Variants in RGS6 observed in about 807,000 individuals in gnomAD.
RGS6 encodes the protein regulator of G-protein signaling 6.
In RGS6, 30 loss-of-function variants were observed where a neutral mutation model predicts 78.5. The observed-to-expected ratio is 0.38, with a 90% CI of 0.29 to 0.52. The LOEUF (loss-of-function observed/expected upper bound fraction) is 0.52. Among genes scored for constraint, RGS6 ranks in the 20% least tolerant of loss-of-function variants. RGS6 has a pLI of 0.85. For synonymous variants in RGS6, 206 were observed against 206.0 expected (o/e 1.00, Z 0.00); for missense variants, 495 against 609.7 (o/e 0.81, Z 1.98).
At chr14:72,401,146 C>T (rs973586763) in intron 3 of RGS6, among the ~76,000 whole-genome samples, 31 of 151,906 alleles carry the variant, frequency 2.0e-4, no homozygotes, top group Non-Finnish European at 3.8e-4. Context: ...TTATCTTTAC[C>T]CCAAGTCTAC....
intron 2 of RGS6, among the ~76,000 whole-genome samples, chr14:72,164,045 G>A (rs577198068): frequency 1.3e-5 from 2 of 152,086 alleles, no homozygotes; most frequent in Non-Finnish European, 2.9e-5. Context: ...CGACTTTTTG[G>A]TGGTTAGTCA....
intron 13 of RGS6, among the ~76,000 whole-genome samples, chr14:72,497,817 A>C (rs1459037378): frequency 2.6e-5 from 4 of 151,794 alleles, no homozygotes; most frequent in Non-Finnish European, 5.9e-5. Flanking sequence ...CTCTTTCTTT[A>C]ACTCAGGATT....
At chr14:72,162,677 G>A (rs1438580876) in intron 2 of RGS6, among the ~76,000 whole-genome samples, 1 of 151,956 alleles carries the variant, frequency 6.6e-6, no homozygotes, top group African/African-American at 2.4e-5. Context: ...GTCATTATAC[G>A]AAAAAGATAC....
intron 2 of RGS6, among the ~76,000 whole-genome samples, chr14:71,974,115 T>C (rs1042106920): frequency 6.6e-6 from 1 of 152,190 alleles, no homozygotes; most frequent in African/African-American, 2.4e-5. Flanking sequence ...TGATCACTCT[T>C]GTTATTGACA....
chr14:72,022,071 C>G (rs1243382240), intron 2 of RGS6, among the ~76,000 whole-genome samples: 1 of 152,136 alleles, frequency 6.6e-6, no homozygotes, highest in Non-Finnish European at 1.5e-5. Flanking sequence ...AAATAGCCTC[C>G]AGCTCCATCC....
chr14:72,412,440 A>G (rs1265455512), intron 3 of RGS6, among the ~76,000 whole-genome samples: 1 of 152,074 alleles, frequency 6.6e-6, no homozygotes, highest in African/African-American at 2.4e-5. Flanking sequence ...TATTGCGTCT[A>G]TTTGATTCTT....
At chr14:72,510,022 A>G in intron 13 of RGS6, 132 bp from the exon 14 acceptor site, 1 of 1,024,372 alleles carries the variant, frequency 9.8e-7, no homozygotes, top group Non-Finnish European at 1.4e-6. Flanking sequence ...CTTTTGTAGA[A>G]TCTGCCCCTT....
At chr14:72,194,559 A>G (rs1013298278) in intron 2 of RGS6, among the ~76,000 whole-genome samples, 1 of 152,070 alleles carries the variant, frequency 6.6e-6, no homozygotes, top group African/African-American at 2.4e-5. Context: ...ACAGGGTCTC[A>G]CTATGTTGCC....
intron 2 of RGS6, among the ~76,000 whole-genome samples, chr14:72,141,177 G>A (rs1182782950): frequency 2.2e-4 from 34 of 152,062 alleles, no homozygotes; most frequent in Admixed American, 2.2e-3. Flanking sequence ...GAGTTTCTGG[G>A]GCCATTCACT....
Position 72,078,057 on chromosome 14 carries a change from C to T in RGS6, c.84+113182C>T, listed in dbSNP as rs117006967. 6.1e-3 allele frequency among the ~76,000 whole-genome samples: 936 copies of T among 152,238 alleles called. 6 individuals carry two copies. The highest frequency in any genetic ancestry group is 0.011 in the Non-Finnish European group (724 of 68,018). On this transcript the variant is annotated intron_variant, in intron 2 of 17. Transcript: ENST00000553525. ...CTCTGTCCCCACCAAATCTCATGTCCGATCGTGGTCCCCACTGCTGGCAGT... is the reference window on the plus strand; with the variant it reads ...CTCTGTCCCCACCAAATCTCATGTCTGATCGTGGTCCCCACTGCTGGCAGT...
chr14:72,441,390 C>T (rs2095194279), intron 3 of RGS6, among the ~76,000 whole-genome samples: 1 of 152,218 alleles, frequency 6.6e-6, no homozygotes, highest in African/African-American at 2.4e-5. Flanking sequence ...AAAGCCAGGC[C>T]TTGACCCCTT....
At chr14:72,329,322 A>T (rs2074473552) in intron 2 of RGS6, among the ~76,000 whole-genome samples, 1 of 152,256 alleles carries the variant, frequency 6.6e-6, no homozygotes, top group South Asian at 2.1e-4. Context: ...AATCTTATTG[A>T]GGGACAATAA....
intron 2 of RGS6, among the ~76,000 whole-genome samples, chr14:72,216,326 T>C (rs1225107272): frequency 1.3e-5 from 2 of 152,226 alleles, no homozygotes; most frequent in African/African-American, 4.8e-5. Flanking sequence ...TGGATTATGC[T>C]TTCTATAAAT....
chr14:71,977,597 G>T (rs1206081911), intron 2 of RGS6, among the ~76,000 whole-genome samples: 4 of 149,652 alleles, frequency 2.7e-5, no homozygotes, highest in Non-Finnish European at 6.0e-5. Context: ...ATTTCTGAGG[G>T]CTCTGTTCTG....
At chr14:72,421,856 T>A (rs1483811384) in intron 3 of RGS6, 2 of 152,332 alleles carry the variant, frequency 1.3e-5, no homozygotes, top group Admixed American at 6.5e-5. Flanking sequence ...CAAGAAAGAC[T>A]GGGCTCCCGT....
chr14:71,987,412 A>G (rs1320915161), intron 2 of RGS6, among the ~76,000 whole-genome samples: 1 of 152,210 alleles, frequency 6.6e-6, no homozygotes, highest in African/African-American at 2.4e-5. Context: ...AGCCCATGCC[A>G]TCGAGGAGAA....
At chr14:72,373,604 C>T (rs1272617764) in intron 3 of RGS6, among the ~76,000 whole-genome samples, 1 of 152,094 alleles carries the variant, frequency 6.6e-6, no homozygotes, top group Non-Finnish European at 1.5e-5. Context: ...TTCAGAGACT[C>T]CTGAAGAGCA....
intron 3 of RGS6, among the ~76,000 whole-genome samples, chr14:72,365,611 T>C (rs2082306269): frequency 1.3e-5 from 2 of 152,232 alleles, no homozygotes; most frequent in Non-Finnish European, 2.9e-5. Context: ...GAGCCTGGAC[T>C]GAAAGCACCT....
intron 17 of RGS6, among the ~76,000 whole-genome samples, chr14:72,557,311 A>C (rs2097593606): frequency 1.3e-5 from 2 of 152,062 alleles, no homozygotes; most frequent in Non-Finnish European, 2.9e-5. Context: ...CTCAGACTGC[A>C]CTCTCTCTCC....
Sources: allele counts gnomAD v4.1 joint callset (sites outside exome capture counted in the v4.1 genomes callset), GRCh38; gene constraint gnomAD v4.1.1; transcripts MANE v1.5; gene names NCBI Gene and HGNC (gene_info 2026-07-23, HGNC 2026-07-21).